The following MVB12B variants were observed in gnomAD, a reference collection of about 807,000 sequenced individuals.
MVB12B encodes multivesicular body subunit 12B.
In MVB12B, 16 loss-of-function variants were observed where a neutral mutation model predicts 41.6. The observed-to-expected ratio is 0.38, with a 90% CI of 0.26 to 0.58. The LOEUF (loss-of-function observed/expected upper bound fraction) is 0.58, where lower values mean the gene tolerates loss of function less well. MVB12B is among the 20% of genes least tolerant of loss of function. MVB12B has a pLI of 0.62. For synonymous variants in MVB12B, 133 were observed against 139.7 expected, an observed-to-expected ratio of 0.95 and a Z score of 0.34; for missense variants, 274 against 380.2, an observed-to-expected ratio of 0.72 and a Z score of 2.32.
At chr9:126,407,470 G>A (rs1163832703) in intron 6 of MVB12B, among the ~76,000 whole-genome samples, 2 of 152,166 alleles carry the variant, frequency 1.3e-5, no homozygotes, top group Non-Finnish European at 2.9e-5. Context: ...AATTTCAGAA[G>A]TAATTTGTCA....
chr9:126,434,684 T>G (rs904946389), intron 7 of MVB12B, among the ~76,000 whole-genome samples: 2 of 152,218 alleles, frequency 1.3e-5, no homozygotes, highest in Admixed American at 6.5e-5. Flanking sequence ...GCTCATGAAT[T>G]GCACGGCCTT....
At chr9:126,348,990 C>T (rs544258931) in intron 2 of MVB12B, among the ~76,000 whole-genome samples, 1 of 152,204 alleles carries the variant, frequency 6.6e-6, no homozygotes, top group South Asian at 2.1e-4. Flanking sequence ...AAGATTATTA[C>T]TCGCAGTTCC....
In MVB12B at chr9:126,386,908, T is replaced by A. The variant is rs1830812273; in HGVS notation, c.409+250T>A. The stretch of plus-strand genomic sequence containing the variant: ...TTTTAGAATGGTGCTCCCTGCTGAA[T>A]CGGCTCACTGGGGAATGGAATGGTG... On this transcript the variant is annotated intron_variant, in intron 4 of 9. Coordinates refer to ENST00000361171, the MANE Select transcript of MVB12B (RefSeq NM_033446.3). The surrounding 1 kb of genome is among the most constrained non-coding windows in gnomAD (Gnocchi z 4.3). Among the ~76,000 whole-genome samples, 1 of 152,098 alleles carries A rather than the reference T, an allele frequency of 6.6e-6. No individual in the cohort carries two copies. The highest frequency in any genetic ancestry group is 2.4e-5 in the African/African-American group (1 of 41,386).
chr9:126,445,555 G>A (rs144785861), intron 7 of MVB12B, among the ~76,000 whole-genome samples: 1,803 of 152,208 alleles, frequency 0.012, 15 homozygotes, highest in Admixed American at 0.022. Context: ...CCTCCCCCTC[G>A]GCCTCCCAAC....
intron 6 of MVB12B, among the ~76,000 whole-genome samples, chr9:126,400,663 G>A (rs142723669): frequency 4.6e-5 from 7 of 152,308 alleles, no homozygotes; most frequent in East Asian, 3.9e-4. Flanking sequence ...TCAAGCCGTC[G>A]TCGATGCTGC....
At chr9:126,327,311 G>C in intron 1 of MVB12B, 1 of 985,346 alleles carries the variant, frequency 1.0e-6, no homozygotes, top group Non-Finnish European at 1.2e-6. Flanking sequence ...GGGGCGCCGA[G>C]AGCCACCTCT....
chr9:126,327,123 G>A, intron 1 of MVB12B, 113 bp downstream of exon 1: 1 of 366,036 alleles, frequency 2.7e-6, no homozygotes, highest in South Asian at 1.0e-4. Context: ...GGAGGAGCCG[G>A]GCCGCGCCGA....
intron 2 of MVB12B, among the ~76,000 whole-genome samples, chr9:126,379,955 A>G (rs1284040506): frequency 6.6e-6 from 1 of 152,210 alleles, no homozygotes; most frequent in Non-Finnish European, 1.5e-5. Context: ...ATTTGTCAGG[A>G]TGGGCGGGAG....
chr9:126,389,880 T>C lies in MVB12B; in HGVS notation c.410-2186T>C, dbSNP rs1292280660. Among the ~76,000 whole-genome samples the C allele has an allele frequency of 6.6e-6, 1 of 152,136 alleles. No homozygotes were observed. The highest frequency in any genetic ancestry group is 1.9e-4 in the East Asian group (1 of 5,194). Reference sequence around the variant, plus strand: ...ATGTTTAGGGTCTGGATTCAGAACGTTGTTTCTCTCTGCTCGTAGATCTGC... The same window carrying C: ...ATGTTTAGGGTCTGGATTCAGAACGCTGTTTCTCTCTGCTCGTAGATCTGC... On this transcript the variant is annotated intron_variant, in intron 4 of 9. Transcript: ENST00000361171. This position sits in a 1 kb window ranked among gnomAD's most constrained non-coding sequence, Gnocchi z 4.4.
At chr9:126,472,201 G>C (rs1564343369) in intron 7 of MVB12B, among the ~76,000 whole-genome samples, 1 of 152,022 alleles carries the variant, frequency 6.6e-6, no homozygotes. Context: ...TTTGTGTTGA[G>C]CCTGCAGAAG....
At position 126,505,668 on chromosome 9, in the gene MVB12B, GTGTGTGTGTGTA is replaced by G. The variant is rs771225534; in HGVS notation, c.*2407_*2418del. 609 of 136,880 alleles carry G rather than the reference GTGTGTGTGTGTA, an allele frequency of 4.4e-3. 3 individuals are homozygous for G. Among genetic ancestry groups the G allele is most frequent in the African/African-American group, 0.016 (579 of 35,884 alleles). The allele number at this position is 136,880 out of a possible 1,614,324, so 8.5% of individuals were successfully genotyped here. ...CAAGCATGTGCCTGTGTGTGTGTGT[GTGTGTGTGTGTA>G]TATGTGTGTGTGTGCACGCACATGC... On this transcript the variant is annotated 3_prime_UTR_variant, in exon 10 of 10. Transcript: ENST00000361171.
At chr9:126,451,854 G>A (rs1385588769) in intron 7 of MVB12B, among the ~76,000 whole-genome samples, 5 of 152,216 alleles carry the variant, frequency 3.3e-5, no homozygotes, top group African/African-American at 1.2e-4. Context: ...GGAATATGAA[G>A]AGCAGATTAG....
chr9:126,375,870 C>G (rs770381970), intron 2 of MVB12B, among the ~76,000 whole-genome samples: 4 of 152,124 alleles, frequency 2.6e-5, no homozygotes. Flanking sequence ...TGATTCCCGT[C>G]CCTTTGTATG....
chr9:126,413,054 G>GTT (rs945575746), intron 6 of MVB12B, among the ~76,000 whole-genome samples: 3 of 152,134 alleles, frequency 2.0e-5, no homozygotes, highest in Non-Finnish European at 2.9e-5. Context: ...CAAGGCCCTG[G>GTT]TTCCTGTCCT....
chr9:126,429,391 T>C (rs1160913481), intron 7 of MVB12B, among the ~76,000 whole-genome samples: 3 of 152,222 alleles, frequency 2.0e-5, no homozygotes, highest in African/African-American at 7.2e-5. Context: ...TACACAACCA[T>C]GTGTGTGCTG....
In MVB12B at chr9:126,451,323, C is replaced by T. The variant is rs1391585577; in HGVS notation, c.757+29375C>T. Among the ~76,000 whole-genome samples, 4 of 152,190 alleles carry T rather than the reference C, an allele frequency of 2.6e-5. No individual in the cohort carries two copies. The East Asian group carries it at 7.7e-4, about 29-fold the overall frequency. ...TGGCCCTGCCCACGGTAGGTGCTCA[C>T]CACTGTAGAGAATGGCTGGGAAGCA... On this transcript the variant is annotated intron_variant, in intron 7 of 9. Coordinates refer to ENST00000361171, the MANE Select transcript of MVB12B (RefSeq NM_033446.3).
At chr9:126,411,706 T>A (rs1312103118) in intron 6 of MVB12B, among the ~76,000 whole-genome samples, 1 of 152,130 alleles carries the variant, frequency 6.6e-6, no homozygotes, top group Non-Finnish European at 1.5e-5. Flanking sequence ...TGGTGGTTTC[T>A]CCCTGAGGTT....
intron 1 of MVB12B, among the ~76,000 whole-genome samples, chr9:126,328,231 G>T (rs1353912080): frequency 6.6e-6 from 1 of 152,022 alleles, no homozygotes; most frequent in African/African-American, 2.4e-5. Context: ...CTTTAAATAG[G>T]GCCTCAGAGA....
At chr9:126,419,100 C>T (rs1831918572) in intron 6 of MVB12B, among the ~76,000 whole-genome samples, 1 of 152,194 alleles carries the variant, frequency 6.6e-6, no homozygotes, top group South Asian at 2.1e-4. Flanking sequence ...CAAAGTTCTG[C>T]TAATGCTCCT....
Sources: gnomAD v4.1 joint callset for allele counts (sites outside exome capture counted in the v4.1 genomes callset) on GRCh38, gnomAD v4.1.1 for gene constraint, Gnocchi (gnomAD v3.1) non-coding constraint, MANE v1.5 for transcripts, NCBI Gene and HGNC (gene_info 2026-07-23, HGNC 2026-07-21) for gene names.